Variants in MEIS2 observed in about 807,000 individuals in gnomAD.
The protein encoded by MEIS2 is homeobox protein Meis2.
A neutral mutation model predicts 58.6 loss-of-function variants in MEIS2; 9 were observed. The ratio of observed to expected loss-of-function variants is 0.15; its 90% CI spans 0.09 to 0.27. The LOEUF (loss-of-function observed/expected upper bound fraction) is 0.27. MEIS2 is among the 10% of genes least tolerant of loss of function. MEIS2 has a pLI of 1.00. For synonymous variants in MEIS2, 221 were observed against 228.4 expected, an observed-to-expected ratio of 0.97 and a Z score of 0.29; for missense variants, 427 against 635.0, an observed-to-expected ratio of 0.67 and a Z score of 3.52.
At chr15:37,036,663 G>GAA in intron 8 of MEIS2, 151 bp downstream of exon 8, 113 of 744,716 alleles carry the variant, frequency 1.5e-4, no homozygotes, top group South Asian at 1.7e-4. Flanking sequence ...AATAGTTGAT[G>GAA]AAAAAAAAAA....
intron 8 of MEIS2, among the ~76,000 whole-genome samples, chr15:36,952,969 C>T (rs992407132): frequency 1.3e-5 from 2 of 150,668 alleles, no homozygotes; most frequent in African/African-American, 2.4e-5. Context: ...GCACAGATGG[C>T]TTTTTTTTTA....
chr15:36,931,371 T>C (rs1205591466), intron 9 of MEIS2, among the ~76,000 whole-genome samples: 1 of 152,200 alleles, frequency 6.6e-6, no homozygotes, highest in East Asian at 1.9e-4. Context: ...AGTAAAGAAT[T>C]TTTGCTACCA....
intron 9 of MEIS2, among the ~76,000 whole-genome samples, chr15:36,946,700 CAG>C (rs1458810215): frequency 1.3e-5 from 2 of 151,926 alleles, no homozygotes; most frequent in Non-Finnish European, 2.9e-5. Flanking sequence ...ACTTAGCATG[CAG>C]AGTTTCTTAA....
rs140308541 is a variant in MEIS2 at position 37,032,892 on chromosome 15, T to C, written c.900+3922A>G. ...TAATTCTGACTATGGAAACGGTTTATCAAATCACTTGATTTTTTAAATGCC... is the reference window on the plus strand; with the variant it reads ...TAATTCTGACTATGGAAACGGTTTACCAAATCACTTGATTTTTTAAATGCC... On this transcript the variant is annotated intron_variant, in intron 8 of 11. Coordinates refer to ENST00000561208, the MANE Select transcript of MEIS2 (RefSeq NM_170675.5). Among the ~76,000 whole-genome samples the C allele has an allele frequency of 7.4e-4, 112 of 152,314 alleles. 2 individuals carry two copies. Among genetic ancestry groups the C allele is most frequent in the African/African-American group, 2.5e-3 (102 of 41,582 alleles).
chr15:36,998,911 C>T (rs557332491), intron 8 of MEIS2, among the ~76,000 whole-genome samples: 13 of 152,296 alleles, frequency 8.5e-5, no homozygotes, highest in Admixed American at 8.5e-4. Context: ...AACCAAGATT[C>T]AAATCTTAAG....
At chr15:37,021,689 C>A (rs76129504) in intron 8 of MEIS2, among the ~76,000 whole-genome samples, 5,983 of 152,234 alleles carry the variant, frequency 0.039, 419 homozygotes, top group African/African-American at 0.13. Context: ...ATTTCTCCCC[C>A]TTAGCCAACA....
At chr15:36,989,816 A>G (rs1320534308) in intron 8 of MEIS2, among the ~76,000 whole-genome samples, 1 of 152,214 alleles carries the variant, frequency 6.6e-6, no homozygotes, top group Non-Finnish European at 1.5e-5. Context: ...CCATTACATG[A>G]CAGTTGTTTC....
chr15:36,955,230 A>G (rs111422713), intron 8 of MEIS2, among the ~76,000 whole-genome samples: 2 of 152,342 alleles, frequency 1.3e-5, no homozygotes, highest in African/African-American at 4.8e-5. Flanking sequence ...ACAAGAAACA[A>G]TTAAGATATT....
chr15:37,040,510 A>G (rs1188803390), intron 7 of MEIS2, among the ~76,000 whole-genome samples: 1 of 152,192 alleles, frequency 6.6e-6, no homozygotes, highest in Non-Finnish European at 1.5e-5. Context: ...TAAACATGCC[A>G]GGAACAGAGC....
chr15:36,971,554 A>AAAAAAAAAAAAAAAAG (rs1254069377), intron 8 of MEIS2, among the ~76,000 whole-genome samples: 1 of 144,140 alleles, frequency 6.9e-6, no homozygotes, highest in African/African-American at 2.7e-5. Context: ...AAAAAAAAAA[A>AAAAAAAAAAAAAAAAG]AAAAAAAAAA....
At chr15:36,892,939 T>G (rs561279761) in intron 11 of MEIS2, among the ~76,000 whole-genome samples, 1 of 152,306 alleles carries the variant, frequency 6.6e-6, no homozygotes, top group South Asian at 2.1e-4. Context: ...GCATATTCAT[T>G]TTGAAGAAAT....
chr15:37,025,487 A>T (rs2061671630), intron 8 of MEIS2, among the ~76,000 whole-genome samples: 1 of 152,166 alleles, frequency 6.6e-6, no homozygotes, highest in South Asian at 2.1e-4. Context: ...TTTTATCAAC[A>T]CAAAGAGTTA....
chr15:37,072,474 G>T (rs774867770), intron 7 of MEIS2, among the ~76,000 whole-genome samples: 15 of 152,056 alleles, frequency 9.9e-5, no homozygotes, highest in Non-Finnish European at 2.1e-4. Flanking sequence ...CTTCATGTAC[G>T]CACCCACTTG....
intron 8 of MEIS2, among the ~76,000 whole-genome samples, chr15:36,979,367 G>A (rs1005163798): frequency 2.0e-5 from 3 of 151,992 alleles, no homozygotes; most frequent in Non-Finnish European, 4.4e-5. Flanking sequence ...CTGGTCCCAA[G>A]CATTTCAGAT....
chr15:37,080,521 C>T (rs960821980), intron 7 of MEIS2, among the ~76,000 whole-genome samples: 31 of 152,076 alleles, frequency 2.0e-4, no homozygotes, highest in Non-Finnish European at 4.0e-4. Flanking sequence ...GCTTCCTAGT[C>T]GTTACTCTGG....
chr15:36,961,651 A>G (rs2059187684), intron 8 of MEIS2, among the ~76,000 whole-genome samples: 1 of 152,160 alleles, frequency 6.6e-6, no homozygotes, highest in Non-Finnish European at 1.5e-5. Context: ...AAAAAATCAG[A>G]AAATATTCAG....
At chr15:36,893,170 A>C (rs923597344) in intron 11 of MEIS2, among the ~76,000 whole-genome samples, 4 of 152,228 alleles carry the variant, frequency 2.6e-5, no homozygotes, top group Non-Finnish European at 5.9e-5. Flanking sequence ...GCAACATTCA[A>C]AGTTATGAGT....
At chr15:36,893,397 T>C (rs1343539922) in intron 11 of MEIS2, among the ~76,000 whole-genome samples, 3 of 152,368 alleles carry the variant, frequency 2.0e-5, no homozygotes, top group South Asian at 2.1e-4. Flanking sequence ...TGCAGTCATT[T>C]TGTTAAGTAG....
chr15:37,099,067 G>T (rs1894766231), intron 1 of MEIS2: 1 of 985,714 alleles, frequency 1.0e-6, no homozygotes, highest in South Asian at 4.6e-5. Context: ...CCCGAGCCGC[G>T]CGAGCCACGG....
Sources: allele counts gnomAD v4.1 joint callset (sites outside exome capture counted in the v4.1 genomes callset), GRCh38; gene constraint gnomAD v4.1.1; transcripts MANE v1.5; gene names NCBI Gene and HGNC (gene_info 2026-07-23, HGNC 2026-07-21).